SYBU: variants seen among roughly 807,000 people sequenced by gnomAD.
SYBU encodes syntabulin.
A neutral mutation model predicts 35.9 loss-of-function variants in SYBU; 21 were observed. The observed-to-expected ratio is 0.58, with a 90% CI of 0.41 to 0.84. SYBU has a LOEUF of 0.84. Ranked by LOEUF, SYBU falls within the 40% of genes least tolerant of loss-of-function variation. SYBU has a pLI of 0.00. For missense variants in SYBU, 768 were observed against 848.2 expected, an observed-to-expected ratio of 0.91 and a Z score of 1.17; for synonymous variants, 319 against 324.3, an observed-to-expected ratio of 0.98 and a Z score of 0.18.
In SYBU at chr8:109,644,624, C is replaced by G. The variant is rs781215735; in HGVS notation, c.24+12G>C. On this transcript the variant is annotated intron_variant, in intron 1 of 6. Coordinates refer to ENST00000276646, the MANE Select transcript of SYBU (RefSeq NM_001099754.2). Reference sequence around the variant, plus strand: ...CCGCCCTCCAGTGCCCGCACTGCCCCGCGCTCCTTACCTTGCTCTCGCGGA... The same window carrying G: ...CCGCCCTCCAGTGCCCGCACTGCCCGGCGCTCCTTACCTTGCTCTCGCGGA... The G allele has an allele frequency of 1.3e-6, 2 of 1,544,006 alleles. No homozygotes were observed. Among genetic ancestry groups the G allele is most frequent in the African/African-American group, 1.4e-5 (1 of 72,674 alleles).
intron 1 of SYBU, among the ~76,000 whole-genome samples, chr8:109,651,887 G>A (rs770911944): frequency 6.6e-6 from 1 of 152,128 alleles, no homozygotes; most frequent in Non-Finnish European, 1.5e-5. Context: ...GGCATATAAA[G>A]GAGGACACTG....
intron 2 of SYBU, among the ~76,000 whole-genome samples, chr8:109,634,045 T>C (rs1813933077): frequency 6.6e-6 from 1 of 152,166 alleles, no homozygotes; most frequent in African/African-American, 2.4e-5. Flanking sequence ...TAATTACCTT[T>C]TAGATTGTAA....
upstream of SYBU, among the ~76,000 whole-genome samples, chr8:109,682,444 C>CT (rs1324190882): frequency 6.6e-6 from 1 of 152,146 alleles, no homozygotes; most frequent in Non-Finnish European, 1.5e-5. Flanking sequence ...AAAGGTCACT[C>CT]TTGCTATGTT....
chr8:109,593,142 AT>A (rs1013832256), intron 3 of SYBU, among the ~76,000 whole-genome samples: 60 of 152,214 alleles, frequency 3.9e-4, no homozygotes, highest in African/African-American at 1.4e-3. Context: ...AGGCATCTGC[AT>A]TTTTGATAAT....
At chr8:109,636,685 C>T (rs552430711) in intron 2 of SYBU, among the ~76,000 whole-genome samples, 8 of 151,982 alleles carry the variant, frequency 5.3e-5, no homozygotes, top group African/African-American at 1.9e-4. Flanking sequence ...GGCGTAACCC[C>T]AAATCATCCC....
chr8:109,590,563 C>T (rs1824103896), intron 3 of SYBU, among the ~76,000 whole-genome samples: 1 of 151,836 alleles, frequency 6.6e-6, no homozygotes, highest in African/African-American at 2.4e-5. Context: ...CACACACACA[C>T]ATAAACAGCT....
At chr8:109,679,895 C>T (rs989280321) in intron 1 of SYBU, among the ~76,000 whole-genome samples, 2 of 152,142 alleles carry the variant, frequency 1.3e-5, no homozygotes, top group Admixed American at 6.5e-5. Context: ...TATTTAAATC[C>T]AGTTTCACCT....
At chr8:109,641,869 G>C (rs964530054) in intron 2 of SYBU, among the ~76,000 whole-genome samples, 1 of 152,232 alleles carries the variant, frequency 6.6e-6, no homozygotes, top group African/African-American at 2.4e-5. Flanking sequence ...GTGTAAATTA[G>C]TTCAACCATT....
Position 109,644,708 on chromosome 8 carries a change from A to T in SYBU, c.-49T>A, listed in dbSNP as rs957868437. 4 of 1,477,468 alleles carry T rather than the reference A, an allele frequency of 2.7e-6. No individual in the cohort carries two copies. The highest frequency in any genetic ancestry group is 3.6e-6 in the Non-Finnish European group (4 of 1,122,372). The allele number at this position is 1,477,468 out of a possible 1,614,324, so 91.5% of individuals were successfully genotyped here. A position where few individuals can be genotyped will look rare whatever the true frequency, so the allele number is the denominator to read the frequency against. ...CGCGCCGCCGCTGCCGCCGTCCAGG[A>T]GGAGGCACCTGCGAGCACGGAGCGA... On this transcript the variant is annotated 5_prime_UTR_variant, in exon 1 of 7. Coordinates refer to ENST00000276646, the MANE Select transcript of SYBU (RefSeq NM_001099754.2).
intron 3 of SYBU, among the ~76,000 whole-genome samples, chr8:109,597,820 T>A (rs1371573769): frequency 6.6e-6 from 1 of 152,226 alleles, no homozygotes; most frequent in Admixed American, 6.5e-5. Flanking sequence ...AGCATCTATG[T>A]GTTAGAGCTG....
intron 5 of SYBU, 105 bp from the exon 6 acceptor site, chr8:109,578,122 A>T: frequency 7.8e-7 from 1 of 1,288,924 alleles, no homozygotes; most frequent in Admixed American, 2.3e-5. Context: ...TCCCTCCAGA[A>T]TTCATATGTT....
chr8:109,654,623 T>G (rs1205078526), intron 1 of SYBU, among the ~76,000 whole-genome samples: 5 of 152,176 alleles, frequency 3.3e-5, no homozygotes, highest in African/African-American at 1.2e-4. Context: ...ATTATATAAC[T>G]GCTTACCTCT....
intron 2 of SYBU, among the ~76,000 whole-genome samples, chr8:109,629,799 A>T (rs1172204544): frequency 6.6e-6 from 1 of 152,124 alleles, no homozygotes; most frequent in Non-Finnish European, 1.5e-5. Flanking sequence ...CATCCTCTCC[A>T]GCACCTGTGG....
chr8:109,582,250 A>G (rs1823117376), intron 4 of SYBU, among the ~76,000 whole-genome samples: 1 of 152,230 alleles, frequency 6.6e-6, no homozygotes, highest in Non-Finnish European at 1.5e-5. Context: ...AAATTATCAG[A>G]CAGTTTGTAA....
chr8:109,600,176 C>T (rs1011251420), intron 3 of SYBU, among the ~76,000 whole-genome samples: 16 of 152,182 alleles, frequency 1.1e-4, no homozygotes, highest in African/African-American at 3.9e-4. Flanking sequence ...CCATGTGTCA[C>T]ACAGGGTTTA....
At chr8:109,617,730 T>A (rs1306860698) in intron 3 of SYBU, among the ~76,000 whole-genome samples, 1 of 152,202 alleles carries the variant, frequency 6.6e-6, no homozygotes, top group East Asian at 1.9e-4. Flanking sequence ...AGTGGGAGAC[T>A]ATTAACGAAT....
intron 1 of SYBU, among the ~76,000 whole-genome samples, chr8:109,654,791 C>T (rs1403087896): frequency 6.6e-6 from 1 of 152,176 alleles, no homozygotes; most frequent in Non-Finnish European, 1.5e-5. Context: ...ATCATGAAGA[C>T]CCTGACACCT....
intron 1 of SYBU, among the ~76,000 whole-genome samples, chr8:109,660,796 T>A (rs935236260): frequency 6.6e-6 from 1 of 152,176 alleles, no homozygotes; most frequent in South Asian, 2.1e-4. Flanking sequence ...TCTGGTACCT[T>A]TTTTTACTTA....
In SYBU at chr8:109,575,695, T is replaced by A. The variant is rs775913322; in HGVS notation, c.1203A>T (p.Leu401Phe). 6.2e-7 allele frequency: 1 copy of A among 1,614,132 alleles called. No individual in the cohort carries two copies. The change falls in exon 7 of 7, where the codon TTA (leucine) becomes TTT (phenylalanine). Residue 401 changes from leucine (L) to phenylalanine (F), a missense_variant. By Grantham distance (22) the Leu-to-Phe change is conservative (BLOSUM62 0). Coordinates refer to ENST00000276646, the MANE Select transcript of SYBU (RefSeq NM_001099754.2). ...TTGTGTCAAGAGGGGGGTTGAGGGT[T>A]AAGCTCTTCTCTGGGGAATCACATG... ...DFPCDSPEKS[L>F]TLNPPLDTMA...
Sources: allele counts gnomAD v4.1 joint callset (sites outside exome capture counted in the v4.1 genomes callset), GRCh38; gene constraint gnomAD v4.1.1; transcripts MANE v1.5; gene names NCBI Gene and HGNC (gene_info 2026-07-23, HGNC 2026-07-21).